CWC27: variants seen among roughly 807,000 people sequenced by gnomAD.
CWC27 encodes spliceosome-associated protein CWC27 homolog.
CWC27 carries 47 observed loss-of-function variants against 63.6 expected under a neutral mutation model. The observed-to-expected ratio is 0.74, with a 90% confidence interval of 0.58 to 0.94. The LOEUF is 0.94. Ranked by LOEUF, CWC27 falls within the 40% of genes least tolerant of loss-of-function variation. CWC27 has a pLI of 0.00. For missense variants in CWC27, 495 were observed against 554.3 expected, an observed-to-expected ratio of 0.89 and a Z score of 1.07; for synonymous variants, 175 against 179.8, an observed-to-expected ratio of 0.97 and a Z score of 0.22.
chr5:64,781,017 A>G (rs765622641), intron 2 of CWC27, among the ~76,000 whole-genome samples: 5 of 151,956 alleles, frequency 3.3e-5, no homozygotes, highest in Non-Finnish European at 5.9e-5. Flanking sequence ...CCTGCTTCCC[A>G]CTCAATTTGT....
intron 10 of CWC27, among the ~76,000 whole-genome samples, chr5:64,863,290 A>T (rs1391553562): frequency 1.3e-5 from 2 of 152,104 alleles, no homozygotes; most frequent in South Asian, 2.1e-4. Context: ...TGATACTGTG[A>T]TGGGCGACAC....
chr5:64,841,060 A>C (rs1314452394), intron 10 of CWC27, among the ~76,000 whole-genome samples: 1 of 152,180 alleles, frequency 6.6e-6, no homozygotes, highest in African/African-American at 2.4e-5. Flanking sequence ...ATCTTTGTCC[A>C]TTTTCTGCTG....
chr5:64,878,455 T>C (rs1746848821), intron 10 of CWC27, among the ~76,000 whole-genome samples: 1 of 107,436 alleles, frequency 9.3e-6, no homozygotes, highest in Non-Finnish European at 1.8e-5. Context: ...GTCAGCACTG[T>C]CCTGGGTTAC....
chr5:64,996,835 A>G (rs188238991), intron 13 of CWC27, among the ~76,000 whole-genome samples: 104 of 152,298 alleles, frequency 6.8e-4, no homozygotes, highest in Non-Finnish European at 1.2e-3. Flanking sequence ...GGCATTCTAC[A>G]TAGAAATCGT....
intron 11 of CWC27, 58 bp from the exon 12 acceptor site, chr5:64,971,645 C>G: frequency 7.7e-7 from 1 of 1,302,180 alleles, no homozygotes; most frequent in South Asian, 1.7e-5. Flanking sequence ...ATAAACATTG[C>G]TATGAATCCA....
At chr5:64,891,384 C>T (rs1339915314) in intron 11 of CWC27, among the ~76,000 whole-genome samples, 2 of 152,180 alleles carry the variant, frequency 1.3e-5, no homozygotes, top group Non-Finnish European at 1.5e-5. Context: ...CCCTTACTAC[C>T]TTTAAGTGCT....
rs888349812 is a variant in CWC27, at chr5:64,893,507, T to A, written c.1042+7961T>A. On this transcript the variant is annotated intron_variant, in intron 11 of 13. Transcript: ENST00000381070. ...CTGATAGTTTTTAATGATTATATTT[T>A]CAAATTCTGCACATAAACTCCAGGC... Among the ~76,000 whole-genome samples, 6 of 152,238 alleles carry A rather than the reference T, an allele frequency of 3.9e-5. No homozygotes were observed. The South Asian group carries it at 6.2e-4, about 16-fold the overall frequency.
intron 11 of CWC27, among the ~76,000 whole-genome samples, chr5:64,968,128 GC>G (rs1472350362): frequency 2.6e-5 from 4 of 151,754 alleles, no homozygotes; most frequent in African/African-American, 7.3e-5. Context: ...TGGCCAACAA[GC>G]ACATAAAAAA....
intron 2 of CWC27, among the ~76,000 whole-genome samples, chr5:64,780,751 CTG>C (rs1743655851): frequency 6.6e-6 from 1 of 151,586 alleles, no homozygotes; most frequent in African/African-American, 2.4e-5. Context: ...CATGCTAATT[CTG>C]TGTTTAACTT....
intron 11 of CWC27, among the ~76,000 whole-genome samples, chr5:64,941,394 T>C (rs1386326335): frequency 1.3e-5 from 2 of 152,202 alleles, no homozygotes; most frequent in Admixed American, 6.5e-5. Flanking sequence ...TTTAACTTTG[T>C]TCTCCAATAG....
rs565218026 is a variant in CWC27 at position 64,995,431 on chromosome 5, T to C, written c.1256+18193T>C. On this transcript the variant is annotated intron_variant, in intron 13 of 13. Coordinates refer to ENST00000381070, the MANE Select transcript of CWC27 (RefSeq NM_005869.4). ...CACGATTTCTACCTGGTGTCATTCT[T>C]AAGATCTTCATAATCCCAAGATTAT... Among the ~76,000 whole-genome samples the C allele has an allele frequency of 6.6e-5, 10 of 152,332 alleles. No individual in the cohort carries two copies. The East Asian group carries it at 1.9e-3, about 29-fold the overall frequency.
intron 7 of CWC27, among the ~76,000 whole-genome samples, chr5:64,790,436 C>G (rs1744035458): frequency 6.6e-6 from 1 of 152,096 alleles, no homozygotes; most frequent in Non-Finnish European, 1.5e-5. Context: ...TACTATGTGT[C>G]ATGATTCTGT....
intron 13 of CWC27, among the ~76,000 whole-genome samples, chr5:64,991,327 C>T (rs1020513797): frequency 1.3e-5 from 2 of 152,108 alleles, no homozygotes; most frequent in Non-Finnish European, 2.9e-5. Flanking sequence ...TCTCCAATGT[C>T]CCTTCAATAC....
chr5:64,875,221 C>A (rs913393740), intron 10 of CWC27, among the ~76,000 whole-genome samples: 1 of 152,056 alleles, frequency 6.6e-6, no homozygotes, highest in Non-Finnish European at 1.5e-5. Context: ...GACTTCTAAT[C>A]TTTTCATTAA....
intron 13 of CWC27, among the ~76,000 whole-genome samples, chr5:65,011,456 T>A (rs1749955268): frequency 6.6e-6 from 1 of 152,166 alleles, no homozygotes; most frequent in African/African-American, 2.4e-5. Flanking sequence ...GAGACAGAAG[T>A]GTATAGTGTA....
chr5:64,920,090 C>T lies in CWC27; in HGVS notation c.1042+34544C>T, dbSNP rs143802073. ...AAGTGATTCTTCCACCTCAGCCTTC[C>T]GAGTAGCTGGGATTACAGGCACCCG... On this transcript the variant is annotated intron_variant, in intron 11 of 13. Coordinates refer to ENST00000381070, the MANE Select transcript of CWC27 (RefSeq NM_005869.4). Among the ~76,000 whole-genome samples, 447 of 152,240 alleles carry T rather than the reference C, an allele frequency of 2.9e-3. 2 individuals are homozygous for T. Among genetic ancestry groups the T allele is most frequent in the Non-Finnish European group, 4.7e-3 (318 of 68,008 alleles).
chr5:64,781,965 A>G lies in CWC27; in HGVS notation c.184A>G (p.Ile62Val), dbSNP rs755603424. The change falls in exon 3 of 14, where the codon ATA becomes GTA. Residue 62 changes from isoleucine (I) to valine (V), a missense_variant. Physicochemically the swap from Ile to Val is conservative, Grantham distance 29. Around this residue, in one of 3 missense-constraint regions of CWC27, gnomAD observed 463 missense variants for 498.1 expected, o/e 0.93. Transcript: ENST00000381070. ...TIFHRVVPGFIVQGGDPTGTG... is the reference protein window; with the variant it reads ...TIFHRVVPGFVVQGGDPTGTG... Reference sequence around the variant, plus strand: ...TTTTCATAGAGTTGTGCCTGGTTTCATAGTCCAAGGCGGAGATCCTACTGG... The same window carrying G: ...TTTTCATAGAGTTGTGCCTGGTTTCGTAGTCCAAGGCGGAGATCCTACTGG... 4 of 1,604,052 alleles carry G rather than the reference A, an allele frequency of 2.5e-6. No individual in the cohort carries two copies. The highest frequency in any genetic ancestry group is 2.2e-5 in the East Asian group (1 of 44,600).
intron 13 of CWC27, among the ~76,000 whole-genome samples, chr5:64,993,665 CT>C (rs1303074166): frequency 1.7e-3 from 249 of 144,632 alleles, no homozygotes; most frequent in African/African-American, 3.9e-3. Flanking sequence ...CTTTTTATTT[CT>C]TTTTTTTTTT....
intron 9 of CWC27, among the ~76,000 whole-genome samples, chr5:64,801,944 G>A (rs1744503660): frequency 6.6e-6 from 1 of 152,108 alleles, no homozygotes; most frequent in African/African-American, 2.4e-5. Context: ...TTCCATGCAT[G>A]AACACAGATT....
Sources: gnomAD v4.1 joint callset for allele counts (sites outside exome capture counted in the v4.1 genomes callset) on GRCh38, gnomAD v4.1.1 for gene constraint, gnomAD v4.1.1 regional missense constraint, MANE v1.5 for transcripts, NCBI Gene and HGNC (gene_info 2026-07-23, HGNC 2026-07-21) for gene names.